The following PRDM2 variants were observed in gnomAD, a reference collection of about 807,000 sequenced individuals.
The protein encoded by PRDM2 is PR domain zinc finger protein 2.
Under a neutral mutation model 130.0 loss-of-function variants are expected in PRDM2, and 30 were observed. The ratio of observed to expected loss-of-function variants is 0.23; its 90% CI spans 0.17 to 0.31. PRDM2 has a LOEUF of 0.31. PRDM2 is among the 10% of genes least tolerant of loss of function. The pLI is 1.00. For synonymous variants in PRDM2, 871 were observed against 782.4 expected, an observed-to-expected ratio of 1.11 and a Z score of -1.89; for missense variants, 2,011 against 2,108.4, an observed-to-expected ratio of 0.95 and a Z score of 0.90.
chr1:13,776,811 C>G (rs1249078677), intron 7 of PRDM2, among the ~76,000 whole-genome samples: 4 of 152,164 alleles, frequency 2.6e-5, no homozygotes, highest in Admixed American at 2.0e-4. Flanking sequence ...GGCCTTTCCC[C>G]CAGCCTCAGT....
At chr1:13,777,805 G>C (rs1227708525) in intron 7 of PRDM2, among the ~76,000 whole-genome samples, 3 of 151,434 alleles carry the variant, frequency 2.0e-5, no homozygotes, top group African/African-American at 7.3e-5. Context: ...ATGCTCCTGA[G>C]TTCTTAATAA....
chr1:13,730,176 G>T (rs773087619), intron 2 of PRDM2, among the ~76,000 whole-genome samples: 6 of 152,128 alleles, frequency 3.9e-5, no homozygotes, highest in Non-Finnish European at 5.9e-5. Context: ...AGGATATATG[G>T]TGTACTGGTT....
intron 2 of PRDM2, chr1:13,717,438 A>G (rs1019911929): frequency 3.0e-6 from 3 of 984,786 alleles, no homozygotes; most frequent in Non-Finnish European, 3.6e-6. Context: ...GAGTTCTTCC[A>G]AAGTGGAATC....
chr1:13,706,194 T>C (rs1642206334), intron 1 of PRDM2, among the ~76,000 whole-genome samples: 1 of 152,174 alleles, frequency 6.6e-6, no homozygotes, highest in African/African-American at 2.4e-5. Context: ...GTGTCAATCA[T>C]ATTTTTTGTT....
intron 7 of PRDM2, among the ~76,000 whole-genome samples, chr1:13,777,805 G>A (rs1227708525): frequency 1.3e-5 from 2 of 151,434 alleles, no homozygotes; most frequent in East Asian, 1.9e-4. Context: ...ATGCTCCTGA[G>A]TTCTTAATAA....
At chr1:13,815,456 C>T (rs1201992657) in intron 8 of PRDM2, among the ~76,000 whole-genome samples, 1 of 152,098 alleles carries the variant, frequency 6.6e-6, no homozygotes, top group Non-Finnish European at 1.5e-5. Flanking sequence ...CAACAATGAA[C>T]AGGACAAAGA....
At chr1:13,787,150 G>A (rs1644758652) in intron 8 of PRDM2, 1 of 985,026 alleles carries the variant, frequency 1.0e-6, no homozygotes, top group Non-Finnish European at 1.2e-6. Context: ...TGCCTATTCT[G>A]GTGTTGCGTT....
At chr1:13,785,970 C>G (rs930088046) in intron 8 of PRDM2, among the ~76,000 whole-genome samples, 1 of 151,454 alleles carries the variant, frequency 6.6e-6, no homozygotes, top group African/African-American at 2.4e-5. Flanking sequence ...TCCCGAGTAG[C>G]TGGGACTACA....
chr1:13,809,664 G>A (rs1557674681), intron 8 of PRDM2, among the ~76,000 whole-genome samples: 1 of 152,318 alleles, frequency 6.6e-6, no homozygotes, highest in Non-Finnish European at 1.5e-5. Flanking sequence ...ATCTGTGTGA[G>A]GCTGGCCGTG....
intron 8 of PRDM2, among the ~76,000 whole-genome samples, chr1:13,797,941 G>A (rs572836631): frequency 1.5e-4 from 23 of 152,028 alleles, no homozygotes; most frequent in Admixed American, 1.5e-3. Flanking sequence ...TCCTTTGCTT[G>A]TTTACCATCT....
intron 8 of PRDM2, among the ~76,000 whole-genome samples, chr1:13,815,209 C>T (rs560150955): frequency 3.1e-4 from 47 of 152,072 alleles, no homozygotes; most frequent in Non-Finnish European, 6.2e-4. Flanking sequence ...CGGGTTCAAG[C>T]GATTCTCCTG....
intron 5 of PRDM2, among the ~76,000 whole-genome samples, chr1:13,744,655 A>G (rs1643550733): frequency 6.6e-6 from 1 of 152,218 alleles, no homozygotes. Context: ...ATATATATAT[A>G]TAAGGTTCTG....
chr1:13,761,796 A>C (rs980785968), intron 6 of PRDM2, among the ~76,000 whole-genome samples: 2 of 152,176 alleles, frequency 1.3e-5, no homozygotes, highest in Non-Finnish European at 2.9e-5. Flanking sequence ...TTTAAAAATG[A>C]AATACACTCA....
At chr1:13,728,082 T>C (rs1461611563) in intron 2 of PRDM2, among the ~76,000 whole-genome samples, 2 of 152,188 alleles carry the variant, frequency 1.3e-5, no homozygotes, top group Non-Finnish European at 1.5e-5. Flanking sequence ...TTCAGGCACA[T>C]GTGGAGGAGA....
intron 8 of PRDM2, among the ~76,000 whole-genome samples, chr1:13,793,531 GAAA>G (rs796322938): frequency 9.8e-5 from 15 of 152,290 alleles, no homozygotes; most frequent in African/African-American, 3.6e-4. Context: ...CCCTGAAAGA[GAAA>G]AAAGCCCTTT....
intron 4 of PRDM2, among the ~76,000 whole-genome samples, chr1:13,738,349 AAAC>A (rs1643334559): frequency 1.3e-5 from 2 of 152,212 alleles, no homozygotes; most frequent in African/African-American, 4.8e-5. Flanking sequence ...TGGGATTCTT[AAAC>A]ATCTGTGGTT....
chr1:13,741,781 G>A (rs191786001), intron 4 of PRDM2, among the ~76,000 whole-genome samples: 3 of 147,224 alleles, frequency 2.0e-5, no homozygotes, highest in East Asian at 2.0e-4. Flanking sequence ...TGGGGGGCGC[G>A]GGGCAAACAA....
At chr1:13,749,940 C>T (rs1285174339) in intron 6 of PRDM2, among the ~76,000 whole-genome samples, 1 of 152,120 alleles carries the variant, frequency 6.6e-6, no homozygotes, top group Non-Finnish European at 1.5e-5. Flanking sequence ...GCGCAGGACG[C>T]GGGCCGCGTC....
At chr1:13,799,290 C>T (rs547537234) in intron 8 of PRDM2, among the ~76,000 whole-genome samples, 1 of 151,860 alleles carries the variant, frequency 6.6e-6, no homozygotes. Context: ...CTAAAAATAC[C>T]AAAAATTAGC....
Sources: gnomAD v4.1 joint callset for allele counts (sites outside exome capture counted in the v4.1 genomes callset) on GRCh38, gnomAD v4.1.1 for gene constraint, MANE v1.5 for transcripts, NCBI Gene and HGNC (gene_info 2026-07-23, HGNC 2026-07-21) for gene names.